RCOR1: variants seen among roughly 807,000 people sequenced by gnomAD.
The protein encoded by RCOR1 is REST corepressor.
RCOR1 carries 12 observed loss-of-function variants against 64.0 expected under a neutral mutation model. The ratio of observed to expected loss-of-function variants is 0.19; its 90% confidence interval spans 0.12 to 0.30. The LOEUF (loss-of-function observed/expected upper bound fraction) is 0.30, where lower values mean the gene tolerates loss of function less well. Ranked by LOEUF, RCOR1 falls within the 10% of genes least tolerant of loss-of-function variation. RCOR1 has a pLI of 1.00. For missense variants in RCOR1, 502 were observed against 621.2 expected (o/e 0.81, Z 2.04); for synonymous variants, 279 against 227.2 (o/e 1.23, Z -2.05).
intron 10 of RCOR1, among the ~76,000 whole-genome samples, chr14:102,721,888 G>A (rs1896176372): frequency 6.6e-6 from 1 of 152,164 alleles, no homozygotes; most frequent in African/African-American, 2.4e-5. Context: ...GGGTGCTCTG[G>A]ACCTGCGATA....
intron 2 of RCOR1, among the ~76,000 whole-genome samples, chr14:102,616,471 G>T (rs1432930256): frequency 6.6e-6 from 1 of 152,014 alleles, no homozygotes. Context: ...GGGTCTTGCT[G>T]TATTGCCCAG....
intron 2 of RCOR1, among the ~76,000 whole-genome samples, chr14:102,650,699 C>T (rs1894570876): frequency 1.3e-5 from 2 of 152,112 alleles, no homozygotes; most frequent in African/African-American, 4.8e-5. Flanking sequence ...GAAGCAGTAC[C>T]ACATACTTGG....
At chr14:102,662,239 T>G in intron 2 of RCOR1, 1 of 519,990 alleles carries the variant, frequency 1.9e-6, no homozygotes, top group Non-Finnish European at 3.8e-6. Context: ...CTGGACTCAG[T>G]TTAGATGACC....
At chr14:102,604,128 T>C (rs1391059768) in intron 2 of RCOR1, among the ~76,000 whole-genome samples, 3 of 152,176 alleles carry the variant, frequency 2.0e-5, no homozygotes, top group African/African-American at 4.8e-5. Context: ...TTTTGTTGAT[T>C]GTTGTGTTTC....
Position 102,592,962 on chromosome 14 carries a change from T to TCCGCCGCCG in RCOR1, c.82_90dup (p.Ala28_Ala30dup). ...GAGGAACAACGCGGCCGCCTCCGCC[T>TCCGCCGCCG]CCGCCGCCGCCGCCTCCGCCGCCGC... is the stretch of plus-strand genomic sequence containing the variant. On this transcript the variant is annotated inframe_insertion, in exon 1 of 12. Coordinates refer to ENST00000262241, the MANE Select transcript of RCOR1 (RefSeq NM_015156.4). 2 of 1,166,108 alleles carry TCCGCCGCCG rather than the reference T, an allele frequency of 1.7e-6. No individual in the cohort carries two copies. The highest frequency in any genetic ancestry group is 2.1e-6 in the Non-Finnish European group (2 of 941,342). 72.2% of individuals were successfully genotyped at this position (1,166,108 alleles called of 1,614,324 possible).
intron 2 of RCOR1, among the ~76,000 whole-genome samples, chr14:102,639,840 ATT>A (rs1894329482): frequency 7.3e-6 from 1 of 137,712 alleles, no homozygotes; most frequent in South Asian, 2.3e-4. Context: ...CTATTCATTC[ATT>A]CATTCATTCA....
intron 2 of RCOR1, among the ~76,000 whole-genome samples, chr14:102,675,251 C>A (rs563861954): frequency 5.3e-5 from 8 of 151,960 alleles, no homozygotes; most frequent in Non-Finnish European, 8.8e-5. Flanking sequence ...ATACAATACT[C>A]CTCCCTTATC....
rs370433597 is a variant in RCOR1 at position 102,620,965 on chromosome 14, A to G, written c.361+27640A>G. Among the ~76,000 whole-genome samples the G allele has an allele frequency of 4.4e-3, 677 of 152,140 alleles. 6 individuals are homozygous for G. Among genetic ancestry groups the G allele is most frequent in the South Asian group, 0.042 (203 of 4,820 alleles). ...CAATCTAAACACAGATGTCACAACT[A>G]AAAAAAATTAATACTTAGTCCTTAG... is the stretch of plus-strand genomic sequence containing the variant. On this transcript the variant is annotated intron_variant, in intron 2 of 11. Coordinates refer to ENST00000262241, the MANE Select transcript of RCOR1 (RefSeq NM_015156.4).
At chr14:102,614,665 A>G (rs549981256) in intron 2 of RCOR1, among the ~76,000 whole-genome samples, 1 of 152,158 alleles carries the variant, frequency 6.6e-6, no homozygotes, top group East Asian at 1.9e-4. Context: ...TGGTATTGCC[A>G]TTTTTGTACC....
intron 2 of RCOR1, among the ~76,000 whole-genome samples, chr14:102,664,014 T>A (rs544399804): frequency 6.6e-6 from 1 of 152,310 alleles, no homozygotes; most frequent in Admixed American, 6.5e-5. Context: ...AGCATTTGAT[T>A]AGCATCTAAC....
chr14:102,642,615 C>T (rs1409865031), intron 2 of RCOR1, among the ~76,000 whole-genome samples: 1 of 151,910 alleles, frequency 6.6e-6, no homozygotes, highest in African/African-American at 2.4e-5. Flanking sequence ...TGGGAAGGAT[C>T]GCTTGAGCCC....
chr14:102,619,132 A>AT (rs1893821169), intron 2 of RCOR1, among the ~76,000 whole-genome samples: 1 of 128,248 alleles, frequency 7.8e-6, no homozygotes, highest in African/African-American at 3.6e-5. Context: ...CTGTCTTTAT[A>AT]TTTTTTGAGA....
chr14:102,612,355 C>G lies in RCOR1; in HGVS notation c.361+19030C>G, dbSNP rs901969598. Among the ~76,000 whole-genome samples the G allele has an allele frequency of 2.6e-5, 4 of 151,948 alleles. No individual in the cohort carries two copies. In the East Asian group the frequency reaches 7.8e-4, roughly 29 times the overall value. On this transcript the variant is annotated intron_variant, in intron 2 of 11. Coordinates refer to ENST00000262241, the MANE Select transcript of RCOR1 (RefSeq NM_015156.4). ...AGTAGCTGGGATTACAGGTGCGCGC[C>G]ACCACGCCCGCTAATTTGTTTTGGA...
At chr14:102,668,390 G>T (rs1258778240) in intron 2 of RCOR1, among the ~76,000 whole-genome samples, 1 of 152,232 alleles carries the variant, frequency 6.6e-6, no homozygotes, top group Non-Finnish European at 1.5e-5. Context: ...TTCAGGTCAG[G>T]TAAGCAGTGG....
chr14:102,679,293 T>G (rs1456071426), intron 2 of RCOR1, among the ~76,000 whole-genome samples: 2 of 152,258 alleles, frequency 1.3e-5, no homozygotes, highest in East Asian at 3.9e-4. Context: ...TTTTGAGGTA[T>G]GGATCCAAAT....
intron 4 of RCOR1, among the ~76,000 whole-genome samples, chr14:102,706,431 C>T (rs1042359013): frequency 6.6e-6 from 1 of 152,104 alleles, no homozygotes; most frequent in African/African-American, 2.4e-5. Flanking sequence ...ATAATAATAT[C>T]AGTCAAAATA....
At chr14:102,643,053 C>G (rs997220346) in intron 2 of RCOR1, among the ~76,000 whole-genome samples, 1 of 152,106 alleles carries the variant, frequency 6.6e-6, no homozygotes, top group Admixed American at 6.6e-5. Flanking sequence ...GAGGCCGAGG[C>G]GGGCAGATCA....
At chr14:102,681,656 T>G (rs2139960828) in intron 2 of RCOR1, among the ~76,000 whole-genome samples, 1 of 152,300 alleles carries the variant, frequency 6.6e-6, no homozygotes, top group South Asian at 2.1e-4. Context: ...GGATGTCTCA[T>G]GCCTAAAAGC....
At chr14:102,723,896 T>C (rs1484763041) in intron 11 of RCOR1, among the ~76,000 whole-genome samples, 2 of 152,210 alleles carry the variant, frequency 1.3e-5, no homozygotes, top group Non-Finnish European at 2.9e-5. Context: ...TTGGCTGGGC[T>C]GGCATAACAA....
Sources: allele counts gnomAD v4.1 joint callset (sites outside exome capture counted in the v4.1 genomes callset), GRCh38; gene constraint gnomAD v4.1.1; transcripts MANE v1.5; gene names NCBI Gene and HGNC (gene_info 2026-07-23, HGNC 2026-07-21).